Variants in KDELR2 observed in about 807,000 individuals in gnomAD.
KDELR2 encodes the protein ER lumen protein-retaining receptor 2.
A neutral mutation model predicts 23.9 loss-of-function variants in KDELR2; 15 were observed. The observed-to-expected ratio is 0.63, with a 90% CI of 0.42 to 0.97. The LOEUF (loss-of-function observed/expected upper bound fraction) is 0.97, where lower values mean the gene tolerates loss of function less well. Ranked by LOEUF, KDELR2 falls within the 50% of genes least tolerant of loss-of-function variation. The probability of loss-of-function intolerance (pLI) is 0.00; values close to 1 mark genes in which losing one functional copy is unlikely to be tolerated. For synonymous variants in KDELR2, 119 were observed against 106.2 expected (o/e 1.12, Z -0.74); for missense variants, 272 against 254.6 (o/e 1.07, Z -0.46).
In KDELR2 at chr7:6,466,276, C is replaced by G. The variant is rs372979976; in HGVS notation, c.399G>C (p.Pro133=). Residue 133 remains proline (P), a synonymous_variant, in exon 4 of 5, where the codon CCG becomes CCC. Transcript: ENST00000258739. ...SIYLESVAIL[P]QLFMISKTGE... Reference sequence around the variant, plus strand: ...CAGTCTTGCTGATCATAAATAGCTGCGGAAGGATAGCCACGGACTCCAGGT... The same window carrying G: ...CAGTCTTGCTGATCATAAATAGCTGGGGAAGGATAGCCACGGACTCCAGGT... 1.9e-6 allele frequency: 3 copies of G among 1,613,986 alleles called. No individual in the cohort carries two copies. Among genetic ancestry groups the G allele is most frequent in the Admixed American group, 3.3e-5 (2 of 59,990 alleles).
At chr7:6,482,984 G>A (rs1326409396) in intron 1 of KDELR2, among the ~76,000 whole-genome samples, 1 of 148,958 alleles carries the variant, frequency 6.7e-6, no homozygotes, top group Non-Finnish European at 1.5e-5. Flanking sequence ...AAGCCTGGGT[G>A]ACAGAGCGAG....
chr7:6,467,819 A>G (rs1475496150), intron 3 of KDELR2, among the ~76,000 whole-genome samples: 1 of 152,136 alleles, frequency 6.6e-6, no homozygotes, highest in African/African-American at 2.4e-5. Flanking sequence ...TAGCACAGTG[A>G]CTTGATCGGC....
chr7:6,470,634 G>GT (rs1785611446), intron 2 of KDELR2, among the ~76,000 whole-genome samples: 1 of 152,138 alleles, frequency 6.6e-6, no homozygotes. Flanking sequence ...AAAGCACTCA[G>GT]TGAGCCTGCT....
intron 1 of KDELR2, among the ~76,000 whole-genome samples, chr7:6,478,867 C>A (rs1242565782): frequency 6.6e-6 from 1 of 152,080 alleles, no homozygotes; most frequent in African/African-American, 2.4e-5. Context: ...CGGCTCACTG[C>A]AACCTCTGCC....
At chr7:6,475,015 G>A (rs960324278) in intron 1 of KDELR2, among the ~76,000 whole-genome samples, 3 of 152,248 alleles carry the variant, frequency 2.0e-5, no homozygotes, top group East Asian at 1.9e-4. Flanking sequence ...TGTCATTAAG[G>A]GGGATGAGGA....
At position 6,483,986 on chromosome 7, in the gene KDELR2, C is replaced by G; in HGVS notation, c.72G>C (p.Trp24Cys). The change falls in exon 1 of 5, where the codon TGG becomes TGC. Residue 24 changes from tryptophan to cysteine, a missense_variant. Coordinates refer to ENST00000258739, the MANE Select transcript of KDELR2 (RefSeq NM_006854.4). Reference protein sequence around the residue: ...AAIVILLLKIWKTRSCAGISG... With the variant: ...AAIVILLLKICKTRSCAGISG... ...GCTCACCGGCGCAGGAGCGCGTCTTCCAGATCTTCAGCAGCAGGATGACGA... is the reference window on the plus strand; with the variant it reads ...GCTCACCGGCGCAGGAGCGCGTCTTGCAGATCTTCAGCAGCAGGATGACGA... The G allele has an allele frequency of 6.5e-7, 1 of 1,531,686 alleles. No homozygotes were observed. The highest frequency in any genetic ancestry group is 1.7e-4 in the Middle Eastern group (1 of 5,722). The allele number at this position is 1,531,686 out of a possible 1,614,324, so 94.9% of individuals were successfully genotyped here.
intron 1 of KDELR2, among the ~76,000 whole-genome samples, chr7:6,483,024 T>TA (rs1785938211): frequency 6.6e-6 from 1 of 151,596 alleles, no homozygotes; most frequent in South Asian, 2.1e-4. Context: ...AAAAATAAGT[T>TA]AAAAACTCTC....
At chr7:6,465,995 T>C (rs1785495120) in intron 4 of KDELR2, 76 bp downstream of exon 4, 3 of 1,494,740 alleles carry the variant, frequency 2.0e-6, no homozygotes, top group Non-Finnish European at 2.7e-6. Flanking sequence ...GAGTGCCAGA[T>C]TAGAAGAGTG....
intron 2 of KDELR2, 54 bp from the exon 3 acceptor site, chr7:6,469,808 C>A: frequency 2.1e-6 from 3 of 1,447,112 alleles, no homozygotes; most frequent in Non-Finnish European, 2.8e-6. Context: ...TGTTCCAGCA[C>A]CCCCCAGCTT....
intron 1 of KDELR2, among the ~76,000 whole-genome samples, chr7:6,475,042 G>A (rs979364762): frequency 1.3e-5 from 2 of 152,146 alleles, no homozygotes; most frequent in Non-Finnish European, 1.5e-5. Context: ...GAGAAGCACC[G>A]ACTCAGGTAA....
At chr7:6,480,063 A>C (rs920544067) in intron 1 of KDELR2, among the ~76,000 whole-genome samples, 1 of 152,228 alleles carries the variant, frequency 6.6e-6, no homozygotes, top group Non-Finnish European at 1.5e-5. Flanking sequence ...AAAAGTTTAC[A>C]ACCTACATAA....
intron 1 of KDELR2, among the ~76,000 whole-genome samples, chr7:6,475,762 C>T (rs1785737232): frequency 6.6e-6 from 1 of 152,236 alleles, no homozygotes; most frequent in African/African-American, 2.4e-5. Flanking sequence ...ATTAAAGAAA[C>T]TGAAGGCTGA....
chr7:6,477,679 G>A (rs759631736), intron 1 of KDELR2, among the ~76,000 whole-genome samples: 6 of 152,114 alleles, frequency 3.9e-5, no homozygotes, highest in Middle Eastern at 3.2e-3. Context: ...TTTTGTTTTC[G>A]AGATGGGGTC....
At chr7:6,477,405 T>G (rs73674119) in intron 1 of KDELR2, among the ~76,000 whole-genome samples, 1 of 152,234 alleles carries the variant, frequency 6.6e-6, no homozygotes, top group African/African-American at 2.4e-5. Context: ...CCTGGAGGGG[T>G]TGGGAGTAGA....
Position 6,463,077 on chromosome 7 carries a change from T to G in KDELR2, c.*64A>C, listed in dbSNP as rs1376869456. 1.2e-5 allele frequency: 19 copies of G among 1,614,092 alleles called. No individual in the cohort carries two copies. The highest frequency in any genetic ancestry group is 1.5e-5 in the Non-Finnish European group (18 of 1,180,040). On this transcript the variant is annotated 3_prime_UTR_variant, in exon 5 of 5. Transcript: ENST00000258739. ...TTTCCGTATCAAGCATCTTATGCCTTTGCTGTGGTAAGAATTCTGTCCGAG... is the reference window on the plus strand; with the variant it reads ...TTTCCGTATCAAGCATCTTATGCCTGTGCTGTGGTAAGAATTCTGTCCGAG...
At position 6,462,813 on chromosome 7, in the gene KDELR2, TAA is replaced by T; in HGVS notation, c.*326_*327del. 1.8e-6 allele frequency: 1 copy of T among 566,590 alleles called. No homozygotes were observed. Among genetic ancestry groups the T allele is most frequent in the Non-Finnish European group, 2.9e-6 (1 of 343,960 alleles). The allele number at this position is 566,590 out of a possible 1,614,324, so 35.1% of individuals were successfully genotyped here. Reference sequence around the variant, plus strand: ...AAGAGTTTCAAAGAATTTTTTAAAATAAAAAAAAAATTTGCACTTATTCCTCA... The same window carrying T: ...AAGAGTTTCAAAGAATTTTTTAAAATAAAAAAAATTTGCACTTATTCCTCA... On this transcript the variant is annotated 3_prime_UTR_variant, in exon 5 of 5. Transcript: ENST00000258739.
intron 3 of KDELR2, 41 bp downstream of exon 3, chr7:6,469,555 T>C (rs373275834): frequency 4.4e-6 from 7 of 1,593,698 alleles, no homozygotes; most frequent in Non-Finnish European, 5.1e-6. Flanking sequence ...ATTACAGGCA[T>C]GAGCCACCAT....
At chr7:6,466,468 A>G (rs1785506997) in intron 3 of KDELR2, 145 bp from the exon 4 acceptor site, 21 of 943,930 alleles carry the variant, frequency 2.2e-5, no homozygotes, top group Middle Eastern at 3.4e-4. Context: ...CAGCTTGGCA[A>G]CTGCATAACC....
chr7:6,474,123 TAA>T, intron 2 of KDELR2, 59 bp downstream of exon 2: 1 of 941,428 alleles, frequency 1.1e-6, no homozygotes, highest in South Asian at 1.4e-5. Context: ...TGACATAAAT[TAA>T]GTGTCCATAG....
Sources: gnomAD v4.1 joint callset for allele counts (sites outside exome capture counted in the v4.1 genomes callset) on GRCh38, gnomAD v4.1.1 for gene constraint, MANE v1.5 for transcripts, NCBI Gene and HGNC (gene_info 2026-07-23, HGNC 2026-07-21) for gene names.